The following HSD17B11 variants were observed in gnomAD, a reference collection of about 807,000 sequenced individuals.
HSD17B11 encodes hydroxysteroid 17-beta dehydrogenase 11, also known as estradiol 17-beta-dehydrogenase 11.
Under a neutral mutation model 27.8 loss-of-function variants are expected in HSD17B11, and 22 were observed. That is an observed-to-expected ratio of 0.79 (90% confidence interval 0.56 to 1.13). HSD17B11 has a LOEUF of 1.13. HSD17B11 is among the 50% of genes most tolerant of loss of function. The pLI is 0.00. For missense variants in HSD17B11, 314 were observed against 351.1 expected (o/e 0.89, Z 0.84); for synonymous variants, 117 against 132.8 (o/e 0.88, Z 0.82).
intron 4 of HSD17B11, among the ~76,000 whole-genome samples, chr4:87,370,793 C>G (rs1189181805): frequency 1.0e-5 from 1 of 96,592 alleles, no homozygotes; most frequent in East Asian, 2.3e-4. Context: ...CGCTCTGTCG[C>G]CCAGGCTGGA....
intron 2 of HSD17B11, among the ~76,000 whole-genome samples, chr4:87,380,278 T>A (rs1340203505): frequency 6.6e-6 from 1 of 150,664 alleles, no homozygotes; most frequent in Non-Finnish European, 1.5e-5. Flanking sequence ...ATCGAGACCA[T>A]CCTGGCTAAC....
Position 87,369,356 on chromosome 4 carries a change from A to G in HSD17B11, c.557+3353T>C, listed in dbSNP as rs182144970. Among the ~76,000 whole-genome samples, 28 of 152,262 alleles carry G rather than the reference A, an allele frequency of 1.8e-4. No individual in the cohort carries two copies. In the East Asian group the frequency reaches 3.5e-3, roughly 19 times the overall value. The stretch of plus-strand genomic sequence containing the variant: ...ACATTACATCAAATTCCTTCTTATT[A>G]GAAATAGTCTAAATTATTCAGATGT... On this transcript the variant is annotated intron_variant, in intron 4 of 6. Transcript: ENST00000358290.
chr4:87,373,874 G>C (rs550590922), intron 3 of HSD17B11, among the ~76,000 whole-genome samples: 1 of 152,032 alleles, frequency 6.6e-6, no homozygotes, highest in East Asian at 1.9e-4. Context: ...AGAAAACTTT[G>C]AGGGGCCTTT....
intron 4 of HSD17B11, among the ~76,000 whole-genome samples, chr4:87,372,364 ATT>A (rs1427579440): frequency 2.0e-4 from 31 of 151,894 alleles, no homozygotes; most frequent in Non-Finnish European, 1.0e-4. Flanking sequence ...TAAATATTAA[ATT>A]TGTTACAAAT....
At chr4:87,372,839 AG>A (rs1445884816) in intron 3 of HSD17B11, 24 bp from the exon 4 acceptor site, 1 of 1,404,218 alleles carries the variant, frequency 7.1e-7, no homozygotes, top group Non-Finnish European at 9.9e-7. Context: ...TTATTAAAAG[AG>A]AAAAAATACT....
chr4:87,337,400 T>G (rs765155613), intron 6 of HSD17B11, 34 bp from the exon 7 acceptor site: 4 of 1,229,386 alleles, frequency 3.3e-6, no homozygotes, highest in Non-Finnish European at 4.8e-6. Context: ...AATTAGAAAA[T>G]TAATATTAAG....
chr4:87,378,949 TA>T (rs1720048166), intron 2 of HSD17B11, among the ~76,000 whole-genome samples: 15 of 25,184 alleles, frequency 6.0e-4, no homozygotes, highest in African/African-American at 1.2e-3. Context: ...TATATATATT[TA>T]TATATATATA....
intron 4 of HSD17B11, among the ~76,000 whole-genome samples, chr4:87,364,663 A>C (rs1735584683): frequency 6.6e-6 from 1 of 152,236 alleles, no homozygotes; most frequent in East Asian, 1.9e-4. Context: ...CCTTGCAATG[A>C]AATGCACAGT....
At position 87,354,236 on chromosome 4, in the gene HSD17B11, C is replaced by G. The variant is rs146832329; in HGVS notation, c.695+3043G>C. Among the ~76,000 whole-genome samples the G allele has an allele frequency of 8.3e-3, 1,257 of 151,988 alleles. 12 individuals carry two copies. Among genetic ancestry groups the G allele is most frequent in the African/African-American group, 0.028 (1,180 of 41,468 alleles). ...TAAGTGTGTTTAAAATAGAACCTGGCGGCCGTGGATCAGCTGTCAAGAGTT... is the reference window on the plus strand; with the variant it reads ...TAAGTGTGTTTAAAATAGAACCTGGGGGCCGTGGATCAGCTGTCAAGAGTT... On this transcript the variant is annotated intron_variant, in intron 5 of 6. Transcript: ENST00000358290.
chr4:87,338,789 A>G (rs1438847983), intron 6 of HSD17B11, among the ~76,000 whole-genome samples: 1 of 152,192 alleles, frequency 6.6e-6, no homozygotes, highest in South Asian at 2.1e-4. Flanking sequence ...CTCCTGCCTC[A>G]GCCTCTCAAA....
At chr4:87,340,181 T>G (rs945803878) in intron 6 of HSD17B11, 14 of 169,610 alleles carry the variant, frequency 8.3e-5, no homozygotes, top group Middle Eastern at 5.6e-3. Context: ...AATATCATTG[T>G]TCTATGATTC....
Position 87,357,288 on chromosome 4 carries a change from G to C in HSD17B11, c.686C>G (p.Pro229Arg). The C allele has an allele frequency of 1.9e-6, 3 of 1,611,474 alleles. No homozygotes were observed. Among genetic ancestry groups the C allele is most frequent in the Non-Finnish European group, 2.5e-6 (3 of 1,179,182 alleles). Residue 229 changes from proline to arginine, a missense_variant, in exon 5 of 7, where the codon CCA becomes CGA. Transcript: ENST00000358290. The stretch of plus-strand genomic sequence containing the variant: ...CAATTTCTCAACTTACCTTGTACTT[G>C]GATTTTTGATGAAGCCAGTGTTTAC... ...NFVNTGFIKN[P>R]STSLGPTLEP...
chr4:87,337,651 T>C (rs1343439152), intron 6 of HSD17B11, among the ~76,000 whole-genome samples: 1 of 152,120 alleles, frequency 6.6e-6, no homozygotes, highest in African/African-American at 2.4e-5. Context: ...AGAGTTGAGA[T>C]ACTAAAGACT....
chr4:87,379,873 TTAA>T (rs1445448540), intron 2 of HSD17B11, among the ~76,000 whole-genome samples: 6 of 62,014 alleles, frequency 9.7e-5, no homozygotes, highest in Admixed American at 9.1e-4. Flanking sequence ...TATTATACTA[TTAA>T]TTATTATTAT....
intron 6 of HSD17B11, among the ~76,000 whole-genome samples, chr4:87,339,654 C>T (rs1735127426): frequency 6.6e-6 from 1 of 152,152 alleles, no homozygotes; most frequent in Non-Finnish European, 1.5e-5. Context: ...CACAGCTTTC[C>T]CAGATGAGGA....
In HSD17B11 at chr4:87,372,825, GT is replaced by G; in HGVS notation, c.451-11del. On this transcript the variant is annotated splice_polypyrimidine_tract_variant and intron_variant, in intron 3 of 6. Transcript: ENST00000358290. ...GAAATGCCTTTGTAGTCTACAAATA[GT>G]TTTTATTAAAAGAGAAAAAATACTG... 6.5e-7 allele frequency: 1 copy of G among 1,534,490 alleles called. No homozygotes were observed. The highest frequency in any genetic ancestry group is 8.9e-7 in the Non-Finnish European group (1 of 1,120,274).
intron 1 of HSD17B11, among the ~76,000 whole-genome samples, chr4:87,388,191 G>T: frequency 6.7e-6 from 1 of 149,718 alleles, no homozygotes; most frequent in Admixed American, 6.6e-5. Flanking sequence ...CAATCTAGTG[G>T]CATATTTTAT....
chr4:87,337,419 T>A, intron 6 of HSD17B11, 53 bp from the exon 7 acceptor site: 1 of 962,870 alleles, frequency 1.0e-6, no homozygotes, highest in Non-Finnish European at 1.7e-6. Context: ...AGTGCATTTG[T>A]AGAATACCCT....
chr4:87,387,378 C>T (rs1401714334), intron 1 of HSD17B11, among the ~76,000 whole-genome samples: 1 of 152,166 alleles, frequency 6.6e-6, no homozygotes, highest in South Asian at 2.1e-4. Context: ...TGTCTTTGTA[C>T]TCTAGGTGAA....
Sources: allele counts gnomAD v4.1 joint callset (sites outside exome capture counted in the v4.1 genomes callset), GRCh38; gene constraint gnomAD v4.1.1; transcripts MANE v1.5; gene names NCBI Gene and HGNC (gene_info 2026-07-23, HGNC 2026-07-21).